MPO: variants seen among roughly 807,000 people sequenced by gnomAD.
The protein encoded by MPO is myeloperoxidase.
A neutral mutation model predicts 69.4 loss-of-function variants in MPO; 57 were observed. The observed-to-expected ratio is 0.82, with a 90% CI of 0.66 to 1.02. The LOEUF (loss-of-function observed/expected upper bound fraction) is 1.02, where lower values mean the gene tolerates loss of function less well. Ranked by LOEUF, MPO falls within the 50% of genes least tolerant of loss-of-function variation. MPO has a pLI of 0.00. For synonymous variants in MPO, 426 were observed against 417.1 expected (o/e 1.02, Z -0.26); for missense variants, 971 against 1,014.1 (o/e 0.96, Z 0.58).
At position 58,274,347 on chromosome 17, in the gene MPO, AGTGTGTGTGTGTGTGTGTGT is replaced by A. The variant is rs55893734; in HGVS notation, c.1366-698_1366-679del. On this transcript the variant is annotated intron_variant, in intron 8 of 11. Coordinates refer to ENST00000225275, the MANE Select transcript of MPO (RefSeq NM_000250.2). ...AAAACTCTCTCCTCCAGAATCTAGG[AGTGTGTGTGTGTGTGTGTGT>A]GTGTGTGTGTGTGTGTGAGTGTGTG... 223 of 334,750 alleles carry A rather than the reference AGTGTGTGTGTGTGTGTGTGT, an allele frequency of 6.7e-4. 1 individual carries two copies. Among genetic ancestry groups the A allele is most frequent in the African/African-American group, 4.8e-3 (212 of 44,558 alleles). 20.7% of individuals were successfully genotyped at this position (334,750 alleles called of 1,614,324 possible). A position where few individuals can be genotyped will look rare whatever the true frequency, so the allele number is the denominator to read the frequency against.
At chr17:58,278,214 C>A (rs1410199598) in intron 6 of MPO, 69 bp from the exon 7 acceptor site, 4 of 1,550,302 alleles carry the variant, frequency 2.6e-6, no homozygotes, top group Non-Finnish European at 3.5e-6. Flanking sequence ...AACTGGATCT[C>A]CCCCTGCCCT....
chr17:58,273,771 G>A lies in MPO; in HGVS notation c.1366-102C>T, dbSNP rs979122224. On this transcript the variant is annotated intron_variant, in intron 8 of 11. Transcript: ENST00000225275. ...AGAGTCTCTGCCTGCTCTTGGCTTC[G>A]GGGACCCCTTCCATCCCTCTATGGT... is the stretch of plus-strand genomic sequence containing the variant. 81 of 1,553,728 alleles carry A rather than the reference G, an allele frequency of 5.2e-5. No homozygotes were observed. In the East Asian group the frequency reaches 1.2e-3, roughly 23 times the overall value.
rs1018987795 is a variant in MPO at position 58,280,350 on chromosome 17, G to C, written c.248+16C>G. ...GGACATCCTTGCCCAGAGCTGGGCA[G>C]TGCCTCGTGCCCCACCTTTCCCGCC... On this transcript the variant is annotated intron_variant, in intron 2 of 11. Coordinates refer to ENST00000225275, the MANE Select transcript of MPO (RefSeq NM_000250.2). The C allele has an allele frequency of 6.2e-7, 1 of 1,612,572 alleles. No individual in the cohort carries two copies. Among genetic ancestry groups the C allele is most frequent in the African/African-American group, 1.3e-5 (1 of 74,878 alleles).
chr17:58,279,862 C>T lies in MPO; in HGVS notation c.401G>A (p.Trp134Ter). The stretch of plus-strand genomic sequence containing the variant: ...ACCAGTGACATTGAATGGCCTTCGC[C>T]ACAGGGACCGCAGCTTCCTCTCCAG... ...DLLERKLRSL[W>*]RRPFNVTDVL... Residue 134 changes from tryptophan to a stop codon, truncating the protein, a stop_gained, in exon 3 of 12, where the codon TGG becomes TAG. Coordinates refer to ENST00000225275, the MANE Select transcript of MPO (RefSeq NM_000250.2). LOFTEE classifies it high-confidence loss of function. 1 of 1,614,072 alleles carries T rather than the reference C, an allele frequency of 6.2e-7. No homozygotes were observed. The highest frequency in any genetic ancestry group is 1.1e-5 in the South Asian group (1 of 91,080).
intron 8 of MPO, 109 bp from the exon 9 acceptor site, chr17:58,273,778 C>T: frequency 6.7e-7 from 1 of 1,482,788 alleles, no homozygotes; most frequent in Non-Finnish European, 9.4e-7. Flanking sequence ...TTCGGGGACC[C>T]CTTCCATCCC....
rs756907969 is a variant in MPO at position 58,279,900 on chromosome 17, C to T, written c.363G>A (p.Val121=). 6.2e-7 allele frequency: 1 copy of T among 1,614,064 alleles called. No homozygotes were observed. Among genetic ancestry groups the T allele is most frequent in the South Asian group, 1.1e-5 (1 of 91,078 alleles). Residue 121 remains valine (V), a synonymous_variant, in exon 3 of 12, where the codon GTG becomes GTA. Coordinates refer to ENST00000225275, the MANE Select transcript of MPO (RefSeq NM_000250.2). ...GCTTCCTCTCCAGCAGGTCTAGAGCCACGTGCAGGTAGTCAGCGGCCCTCA... is the reference window on the plus strand; with the variant it reads ...GCTTCCTCTCCAGCAGGTCTAGAGCTACGTGCAGGTAGTCAGCGGCCCTCA... ...TAVRAADYLH[V]ALDLLERKLR... is the part of the protein sequence containing the mutation.
rs770768255 is a variant in MPO at position 58,279,117 on chromosome 17, A to G, written c.776T>C (p.Leu259Ser). 3 of 1,613,002 alleles carry G rather than the reference A, an allele frequency of 1.9e-6. No individual in the cohort carries two copies. The African/African-American group carries it at 4.0e-5, about 22-fold the overall frequency. Residue 259 changes from leucine (L) to serine (S), a missense_variant, in exon 6 of 12, where the codon TTG becomes TCG. Coordinates refer to ENST00000225275, the MANE Select transcript of MPO (RefSeq NM_000250.2). The stretch of plus-strand genomic sequence containing the variant: ...AGGGGTGAAGTCGAGGTCGTGGTCC[A>G]ACAGCTGGCCCCATTGCATGAACAT... ...SLMFMQWGQL[L>S]DHDLDFTPEP...
At position 58,278,068 on chromosome 17, in the gene MPO, C is replaced by T; in HGVS notation, c.963G>A (p.Gly321=). Residue 321 remains glycine (G), a synonymous_variant, in exon 7 of 12, where the codon GGG becomes GGA. Coordinates refer to ENST00000225275, the MANE Select transcript of MPO (RefSeq NM_000250.2). ...PFFRSCPACP[G]SNITIRNQIN... The stretch of plus-strand genomic sequence containing the variant: ...TCTGGTTGCGGATGGTGATGTTGCT[C>T]CCGGGGCAAGCCGGGCAGGAGCGGA... 6.2e-7 allele frequency: 1 copy of T among 1,612,260 alleles called. No individual in the cohort carries two copies. Among genetic ancestry groups the T allele is most frequent in the Non-Finnish European group, 8.5e-7 (1 of 1,180,008 alleles).
chr17:58,275,630 A>T lies in MPO; in HGVS notation c.1277T>A (p.Leu426Gln). The T allele has an allele frequency of 6.2e-7, 1 of 1,614,152 alleles. No individual in the cohort carries two copies. Among genetic ancestry groups the T allele is most frequent in the East Asian group, 2.2e-5 (1 of 44,882 alleles). ...HTLLLREHNR[L>Q]ATELKSLNPR... ...GTTCAGGCTCTTGAGCTCTGTGGCCAGCCGGTTGTGCTCCCGAAGTAAGAG... is the reference window on the plus strand; with the variant it reads ...GTTCAGGCTCTTGAGCTCTGTGGCCTGCCGGTTGTGCTCCCGAAGTAAGAG... The change falls in exon 8 of 12, where the codon CTG becomes CAG. Residue 426 changes from leucine to glutamine, a missense_variant. Transcript: ENST00000225275. The surrounding 1 kb of genome is among the most constrained non-coding windows in gnomAD (Gnocchi z 4.1).
intron 2 of MPO, 115 bp downstream of exon 2, chr17:58,280,251 T>C: frequency 2.7e-6 from 3 of 1,110,820 alleles, no homozygotes; most frequent in Non-Finnish European, 4.1e-6. Context: ...AGAAAGGGAG[T>C]CCACATGGGT....
In MPO at chr17:58,272,846, A is replaced by G; in HGVS notation, c.1694T>C (p.Val565Ala). 1 of 1,614,172 alleles carries G rather than the reference A, an allele frequency of 6.2e-7. No individual in the cohort carries two copies. The highest frequency in any genetic ancestry group is 8.5e-7 in the Non-Finnish European group (1 of 1,180,030). The change falls in exon 10 of 12, where the codon GTG (valine) becomes GCG (alanine). Residue 565 changes from valine to alanine, a missense_variant. Val to Ala is a moderately conservative substitution (Grantham distance 64). Coordinates refer to ENST00000225275, the MANE Select transcript of MPO (RefSeq NM_000250.2). Reference protein sequence around the residue: ...AKLNRQNQIAVDEIRERLFEQ... With the variant: ...AKLNRQNQIAADEIRERLFEQ... ...AAACAATCGCTCCCGGATCTCATCCACTGCAATTTGGTTCTGACGATTCAG... is the reference window on the plus strand; with the variant it reads ...AAACAATCGCTCCCGGATCTCATCCGCTGCAATTTGGTTCTGACGATTCAG...
rs1345926430 is a variant in MPO, at chr17:58,279,221, G to A, written c.679-7C>T. Reference sequence around the variant, plus strand: ...CGTTGGAGACCGCGCGAGCCTGCGGGACACGGAGATCAGCTGGCGCCTGGG... The same window carrying A: ...CGTTGGAGACCGCGCGAGCCTGCGGAACACGGAGATCAGCTGGCGCCTGGG... On this transcript the variant is annotated splice_polypyrimidine_tract_variant and splice_region_variant and intron_variant, in intron 5 of 11. Transcript: ENST00000225275. 6.3e-6 allele frequency: 10 copies of A among 1,596,816 alleles called. No homozygotes were observed. In the East Asian group the frequency reaches 2.3e-4, roughly 36 times the overall value.
At position 58,280,617 on chromosome 17, in the gene MPO, C is replaced by A; in HGVS notation, c.142G>T (p.Gly48Cys). 1 of 1,614,234 alleles carries A rather than the reference C, an allele frequency of 6.2e-7. No individual in the cohort carries two copies. Among genetic ancestry groups the A allele is most frequent in the Non-Finnish European group, 8.5e-7 (1 of 1,180,046 alleles). ...AILATPQPSE[G>C]AAPAVLGEVD... ...TGGGAACTGTTACCTGGAGCAGCAC[C>A]TTCAGAGGGCTGGGGCGTGGCCAGA... The change falls in exon 1 of 12, where the codon GGT becomes TGT. Residue 48 changes from glycine (G) to cysteine (C), a missense_variant. Transcript: ENST00000225275.
At chr17:58,278,656 A>T (rs1324934071) in intron 6 of MPO, among the ~76,000 whole-genome samples, 3 of 152,090 alleles carry the variant, frequency 2.0e-5, no homozygotes, top group Non-Finnish European at 4.4e-5. Flanking sequence ...AGGACTGAGC[A>T]TGGAGGCTTG....
chr17:58,279,921 C>T lies in MPO; in HGVS notation c.342G>A (p.Arg114=), dbSNP rs145648830. The T allele has an allele frequency of 1.9e-6, 3 of 1,614,056 alleles. No individual in the cohort carries two copies. The East Asian group carries it at 6.7e-5, about 36-fold the overall frequency. Residue 114 remains arginine, a synonymous_variant, in exon 3 of 12, where the codon AGG becomes AGA. Coordinates refer to ENST00000225275, the MANE Select transcript of MPO (RefSeq NM_000250.2). ...GAGCCACGTGCAGGTAGTCAGCGGC[C>T]CTCACCGCCGTCCTGGTGGCTGCCA... ...QPVAATRTAV[R]AADYLHVALD...
chr17:58,277,489 T>A (rs1482178542), intron 7 of MPO, among the ~76,000 whole-genome samples: 1 of 152,180 alleles, frequency 6.6e-6, no homozygotes, highest in East Asian at 1.9e-4. Flanking sequence ...GCGTTCTCTG[T>A]CCTTTAGTTC....
At chr17:58,278,250 CAG>C in intron 6 of MPO, 105 bp from the exon 7 acceptor site, 1 of 1,345,398 alleles carries the variant, frequency 7.4e-7, no homozygotes, top group Non-Finnish European at 1.0e-6. Context: ...CCTCAACCTG[CAG>C]AGAGGCCTCC....
At position 58,275,851 on chromosome 17, in the gene MPO, C is replaced by T; in HGVS notation, c.1205-149G>A. Reference sequence around the variant, plus strand: ...CTTTTCAAACTATCCCCAATTTACACTCCTCTAGGAGGCCTTCCCTGATGC... The same window carrying T: ...CTTTTCAAACTATCCCCAATTTACATTCCTCTAGGAGGCCTTCCCTGATGC... On this transcript the variant is annotated intron_variant, in intron 7 of 11. Coordinates refer to ENST00000225275, the MANE Select transcript of MPO (RefSeq NM_000250.2). The surrounding 1 kb of genome is among the most constrained non-coding windows in gnomAD (Gnocchi z 4.1). 1.0e-6 allele frequency: 1 copy of T among 996,574 alleles called. No individual in the cohort carries two copies. The highest frequency in any genetic ancestry group is 1.5e-6 in the Non-Finnish European group (1 of 658,536). 61.7% of individuals were successfully genotyped at this position (996,574 alleles called of 1,614,324 possible). A position where few individuals can be genotyped will look rare whatever the true frequency, so the allele number is the denominator to read the frequency against.
rs1462186593 is a variant in MPO, at chr17:58,272,932, G to A, written c.1622-14C>T. On this transcript the variant is annotated splice_polypyrimidine_tract_variant and intron_variant, in intron 9 of 11. Transcript: ENST00000225275. ...GGTCAATGCCACCTGGGGACCAGAG[G>A]AGCCAGGTCAGGGGAAGTATCTGGC... is the stretch of plus-strand genomic sequence containing the variant. 2 of 1,613,892 alleles carry A rather than the reference G, an allele frequency of 1.2e-6. No homozygotes were observed. The highest frequency in any genetic ancestry group is 2.2e-5 in the East Asian group (1 of 44,878).
Sources: allele counts gnomAD v4.1 joint callset (sites outside exome capture counted in the v4.1 genomes callset), GRCh38; gene constraint gnomAD v4.1.1; non-coding constraint Gnocchi (gnomAD v3.1); transcripts MANE v1.5; gene names NCBI Gene and HGNC (gene_info 2026-07-23, HGNC 2026-07-21).